SIGLECL1: variants seen among roughly 807,000 people sequenced by gnomAD.
SIGLECL1 encodes the protein SIGLEC family like 1, also known as SIGLEC family-like protein 1.
Under a neutral mutation model 19.1 loss-of-function variants are expected in SIGLECL1, and 16 were observed. The ratio of observed to expected loss-of-function variants is 0.84; its 90% CI spans 0.57 to 1.27. The LOEUF (loss-of-function observed/expected upper bound fraction) is 1.27, where lower values mean the gene tolerates loss of function less well. Among genes scored for constraint, SIGLECL1 ranks in the 50% most tolerant of loss-of-function variants. The pLI, the probability that SIGLECL1 is intolerant of heterozygous loss-of-function variation, is 0.00. For missense variants in SIGLECL1, 210 were observed against 239.4 expected, an observed-to-expected ratio of 0.88 and a Z score of 0.81; for synonymous variants, 89 against 90.4, an observed-to-expected ratio of 0.98 and a Z score of 0.09.
chr19:51,265,358 C>T lies in SIGLECL1; in HGVS notation c.23-10C>T. Reference sequence around the variant, plus strand: ...ATGCCTTGCTGACTCCTGACCCTTCCTCCCCACAGTACCTGCTAAGCTGCT... The same window carrying T: ...ATGCCTTGCTGACTCCTGACCCTTCTTCCCCACAGTACCTGCTAAGCTGCT... On this transcript the variant is annotated splice_polypyrimidine_tract_variant and intron_variant, in intron 2 of 5. Coordinates refer to ENST00000601727, the MANE Select transcript of SIGLECL1 (RefSeq NM_001385465.1). 6.3e-7 allele frequency: 1 copy of T among 1,593,686 alleles called. No homozygotes were observed. Among genetic ancestry groups the T allele is most frequent in the Non-Finnish European group, 8.6e-7 (1 of 1,164,916 alleles).
At chr19:51,266,067 CTG>C (rs1983647475) in intron 4 of SIGLECL1, among the ~76,000 whole-genome samples, 185 bp downstream of exon 4, 1 of 152,156 alleles carries the variant, frequency 6.6e-6, no homozygotes, top group Non-Finnish European at 1.5e-5. Context: ...AACCGTAAAA[CTG>C]TGTCATAAAA....
In SIGLECL1 at chr19:51,261,367, C is replaced by T. The variant is rs370158272; in HGVS notation, c.-190-2516C>T. On this transcript the variant is annotated intron_variant, in intron 1 of 5. Coordinates refer to ENST00000601727, the MANE Select transcript of SIGLECL1 (RefSeq NM_001385465.1). The stretch of plus-strand genomic sequence containing the variant: ...GCAGTGGCATGATCTCGGCTCACTG[C>T]AAGCTCTGCCTCCCAGGTTCATGCC... Among the ~76,000 whole-genome samples, 28 of 152,260 alleles carry T rather than the reference C, an allele frequency of 1.8e-4. 2 individuals carry two copies. The highest frequency in any genetic ancestry group is 9.2e-4 in the Admixed American group (14 of 15,298).
Position 51,252,611 on chromosome 19 carries a change from A to G in SIGLECL1, c.-191+1066A>G, listed in dbSNP as rs543483475. ...GGAAGGAAAAAAAAATTGACAATGC[A>G]AAAAGAAAGTGGATATGTGGCGTGA... On this transcript the variant is annotated intron_variant, in intron 1 of 5. Coordinates refer to ENST00000601727, the MANE Select transcript of SIGLECL1 (RefSeq NM_001385465.1). 6.6e-5 allele frequency among the ~76,000 whole-genome samples: 10 copies of G among 152,322 alleles called. No individual in the cohort carries two copies. The South Asian group carries it at 2.1e-3, about 32-fold the overall frequency.
chr19:51,248,858 G>A (rs1982348972), upstream of SIGLECL1, among the ~76,000 whole-genome samples: 1 of 152,116 alleles, frequency 6.6e-6, no homozygotes. Flanking sequence ...AGTTTCGATT[G>A]GTTAAGCCTA....
At chr19:51,246,756 G>A (rs747154103), upstream of SIGLECL1, among the ~76,000 whole-genome samples, 5 of 152,106 alleles carry the variant, frequency 3.3e-5, no homozygotes, top group Non-Finnish European at 7.3e-5. Flanking sequence ...GGGGTCTGAA[G>A]AAACTCCTCT....
At position 51,262,677 on chromosome 19, in the gene SIGLECL1, C is replaced by T. The variant is rs116410163; in HGVS notation, c.-190-1206C>T. Among the ~76,000 whole-genome samples, 641 of 152,218 alleles carry T rather than the reference C, an allele frequency of 4.2e-3. 5 individuals are homozygous for T. Among genetic ancestry groups the T allele is most frequent in the African/African-American group, 0.014 (583 of 41,518 alleles). ...TTTATGTATGACATGAGGTAGGGGTCTTATTTCCTTTTGCTGTATGGCTGT... is the reference window on the plus strand; with the variant it reads ...TTTATGTATGACATGAGGTAGGGGTTTTATTTCCTTTTGCTGTATGGCTGT... On this transcript the variant is annotated intron_variant, in intron 1 of 5. Transcript: ENST00000601727.
rs186866708 is a variant in SIGLECL1 at position 51,268,653 on chromosome 19, T to C, written c.*56T>C. ...GCCATTATCCCTGGAATTACAAAGA[T>C]CTGCAAAATTTATAGCGCTCACAGA... On this transcript the variant is annotated 3_prime_UTR_variant, in exon 6 of 6. Transcript: ENST00000601727. 11 of 1,580,708 alleles carry C rather than the reference T, an allele frequency of 7.0e-6. No homozygotes were observed. The African/African-American group carries it at 8.2e-5, about 12-fold the overall frequency.
intron 1 of SIGLECL1, among the ~76,000 whole-genome samples, chr19:51,253,828 G>A (rs1428379177): frequency 1.3e-5 from 2 of 152,282 alleles, no homozygotes; most frequent in South Asian, 4.1e-4. Context: ...GCATGTCTTG[G>A]GGCCAGTCAT....
At chr19:51,250,759 C>T (rs188369910), upstream of SIGLECL1, among the ~76,000 whole-genome samples, 697 of 152,280 alleles carry the variant, frequency 4.6e-3, 6 homozygotes, top group African/African-American at 0.016. Flanking sequence ...CCCCCAGCTG[C>T]GGATTGGCTC....
Position 51,265,495 on chromosome 19 carries a change from C to A in SIGLECL1, c.150C>A (p.Gly50=), listed in dbSNP as rs778596682. Residue 50 remains glycine, a synonymous_variant, in exon 3 of 6, where the codon GGC becomes GGA. Coordinates refer to ENST00000601727, the MANE Select transcript of SIGLECL1 (RefSeq NM_001385465.1). ...WMGGVPVGVD[G]MDGSLQVTST... ...GAGGAGTCCCCGTGGGTGTGGATGGCATGGATGGCAGCCTCCAAGTGACTT... is the reference window on the plus strand; with the variant it reads ...GAGGAGTCCCCGTGGGTGTGGATGGAATGGATGGCAGCCTCCAAGTGACTT... The A allele has an allele frequency of 1.2e-6, 2 of 1,607,252 alleles. No individual in the cohort carries two copies. The highest frequency in any genetic ancestry group is 3.4e-5 in the Admixed American group (2 of 59,362).
upstream of SIGLECL1, chr19:51,246,481 T>TTGG (rs1261269142): frequency 6.6e-6 from 1 of 152,140 alleles, no homozygotes; most frequent in African/African-American, 2.4e-5. Context: ...GGATAATTCT[T>TTGG]TGGTGGTGGT....
chr19:51,268,435 A>G, intron 5 of SIGLECL1, 136 bp from the exon 6 acceptor site: 1 of 888,590 alleles, frequency 1.1e-6, no homozygotes, highest in Non-Finnish European at 1.9e-6. Context: ...GTTGTGAGGA[A>G]GGGCTAAGCC....
chr19:51,252,463 G>A (rs1436636042), intron 1 of SIGLECL1, among the ~76,000 whole-genome samples: 1 of 152,122 alleles, frequency 6.6e-6, no homozygotes, highest in Non-Finnish European at 1.5e-5. Flanking sequence ...TTACACATGA[G>A]GAAATAAGAA....
intron 1 of SIGLECL1, among the ~76,000 whole-genome samples, chr19:51,262,519 C>A (rs983315696): frequency 1.3e-5 from 2 of 152,136 alleles, no homozygotes; most frequent in African/African-American, 4.8e-5. Context: ...CCATTTCTTC[C>A]TTTTTAATGT....
At chr19:51,248,546 C>T (rs375754832), upstream of SIGLECL1, among the ~76,000 whole-genome samples, 15 of 152,288 alleles carry the variant, frequency 9.8e-5, no homozygotes, top group East Asian at 1.5e-3. Context: ...CCCCAAGTAA[C>T]CTAGCTGCTT....
At chr19:51,256,321 C>G (rs1358082252) in intron 1 of SIGLECL1, among the ~76,000 whole-genome samples, 1 of 152,156 alleles carries the variant, frequency 6.6e-6, no homozygotes, top group Non-Finnish European at 1.5e-5. Flanking sequence ...CATACACACA[C>G]AGTGGAAGTT....
chr19:51,250,404 A>C (rs1982416961), upstream of SIGLECL1, among the ~76,000 whole-genome samples: 3 of 152,034 alleles, frequency 2.0e-5, no homozygotes, highest in Non-Finnish European at 2.9e-5. Flanking sequence ...TCTTTACTGC[A>C]ACCTGTTTTA....
intron 4 of SIGLECL1, among the ~76,000 whole-genome samples, chr19:51,266,805 G>T (rs1310176860): frequency 6.6e-6 from 1 of 152,202 alleles, no homozygotes; most frequent in African/African-American, 2.4e-5. Context: ...GGGCAGGGGA[G>T]CCTGTCCAGA....
Position 51,269,227 on chromosome 19 carries a change from C to T in SIGLECL1, c.*630C>T, listed in dbSNP as rs1429258747. ...TCTTGTAGGACCTTATCCTGACTCCCTTAGAATGTAAGTTCCAAGAGAACA... is the reference window on the plus strand; with the variant it reads ...TCTTGTAGGACCTTATCCTGACTCCTTTAGAATGTAAGTTCCAAGAGAACA... On this transcript the variant is annotated 3_prime_UTR_variant, in exon 6 of 6. Transcript: ENST00000601727. 1 of 152,264 alleles carries T rather than the reference C, an allele frequency of 6.6e-6. No homozygotes were observed. The highest frequency in any genetic ancestry group is 1.5e-5 in the Non-Finnish European group (1 of 68,096). The allele number at this position is 152,264 out of a possible 1,614,324, so 9.4% of individuals were successfully genotyped here. A position where few individuals can be genotyped will look rare whatever the true frequency, so the allele number is the denominator to read the frequency against.
Sources: gnomAD v4.1 joint callset for allele counts (sites outside exome capture counted in the v4.1 genomes callset) on GRCh38, gnomAD v4.1.1 for gene constraint, MANE v1.5 for transcripts, NCBI Gene and HGNC (gene_info 2026-07-23, HGNC 2026-07-21) for gene names.